Variants in TDRD1 observed in about 807,000 individuals in gnomAD.
TDRD1 encodes tudor domain containing 1, also known as tudor domain-containing protein 1.
In TDRD1, 37 loss-of-function variants were observed where a neutral mutation model predicts 140.6. That is an observed-to-expected ratio of 0.26 (90% confidence interval 0.20 to 0.35). TDRD1 has a LOEUF of 0.35. Among genes scored for constraint, TDRD1 ranks in the 10% least tolerant of loss-of-function variants. The pLI, the probability that TDRD1 is intolerant of heterozygous loss-of-function variation, is 1.00. For synonymous variants in TDRD1, 506 were observed against 475.7 expected (o/e 1.06, Z -0.83); for missense variants, 1,243 against 1,393.0 (o/e 0.89, Z 1.71).
At chr10:114,198,727 C>T (rs112016958) in intron 3 of TDRD1, among the ~76,000 whole-genome samples, 1,604 of 152,242 alleles carry the variant, frequency 0.011, 20 homozygotes, top group African/African-American at 0.037. Flanking sequence ...TATCATAGCT[C>T]GCTACAGCCT....
intron 2 of TDRD1, among the ~76,000 whole-genome samples, chr10:114,190,102 A>G (rs185548165): frequency 1.3e-5 from 2 of 152,088 alleles, no homozygotes; most frequent in Non-Finnish European, 2.9e-5. Context: ...TTTTTTTCAG[A>G]TACCAAAACC....
exon 19 of TDRD1, chr10:114,220,770 A>C (rs746824897): frequency 1.3e-5 from 21 of 1,611,646 alleles, no homozygotes; most frequent in Non-Finnish European, 1.8e-5. Context: ...AATCTGCTTC[A>C]CCACATAAAG....
At chr10:114,201,312 T>A in intron 4 of TDRD1, 98 bp from the exon 5 acceptor site, 1 of 950,610 alleles carries the variant, frequency 1.1e-6, no homozygotes. Flanking sequence ...AATAGCACAA[T>A]TCTCTTGCCA....
chr10:114,219,147 TATG>T (rs1377587590), intron 18 of TDRD1, among the ~76,000 whole-genome samples: 5 of 152,246 alleles, frequency 3.3e-5, no homozygotes, highest in African/African-American at 1.2e-4. Flanking sequence ...GTGTTATTGA[TATG>T]AAGAATTGTT....
chr10:114,182,640 A>G (rs2033168138), intron 1 of TDRD1, among the ~76,000 whole-genome samples: 1 of 152,068 alleles, frequency 6.6e-6, no homozygotes, highest in Non-Finnish European at 1.5e-5. Flanking sequence ...CCAGGTTGGC[A>G]TGAAAGCAGT....
intron 16 of TDRD1, 132 bp from the exon 17 acceptor site, chr10:114,217,413 G>C: frequency 1.9e-6 from 1 of 514,812 alleles, no homozygotes. Flanking sequence ...AAAAGCATTG[G>C]GTAGACTTAA....
At chr10:114,196,221 A>G (rs1352950635) in intron 3 of TDRD1, among the ~76,000 whole-genome samples, 3 of 152,242 alleles carry the variant, frequency 2.0e-5, no homozygotes, top group East Asian at 1.9e-4. Context: ...TGGGATTACA[A>G]AGTGAGCCAC....
Position 114,187,895 on chromosome 10 carries a change from A to G in TDRD1, c.64A>G (p.Met22Val), listed in dbSNP as rs1337119978. The change falls in exon 2 of 26, where the codon ATG becomes GTG. Residue 22 changes from methionine to valine, a missense_variant. Around this residue, in one of 5 missense-constraint regions of TDRD1, gnomAD observed 237 missense variants for 215.5 expected, o/e 1.10. Transcript: ENST00000251864. ...TAATTTGGAAGCACCTCCTTGTAAG[A>G]TGACAGAGCCATTTAATTTTGAGAA... 3.1e-6 allele frequency: 5 copies of G among 1,610,658 alleles called. No individual in the cohort carries two copies. The highest frequency in any genetic ancestry group is 1.3e-5 in the African/African-American group (1 of 74,528).
chr10:114,192,196 TTGTTTTTGG>T (rs1407128889), intron 3 of TDRD1, among the ~76,000 whole-genome samples: 1 of 151,864 alleles, frequency 6.6e-6, no homozygotes, highest in Non-Finnish European at 1.5e-5. Flanking sequence ...CTTTAATGGA[TTGTTTTTGG>T]TGCTTTTGGT....
chr10:114,226,281 A>G (rs1265711021), intron 22 of TDRD1, 65 bp downstream of exon 22: 12 of 1,190,034 alleles, frequency 1.0e-5, no homozygotes, highest in Admixed American at 2.5e-5. Context: ...TTTATGTTTC[A>G]TAGCTCTAAG....
chr10:114,219,736 A>G (rs564148690), intron 18 of TDRD1, among the ~76,000 whole-genome samples: 1 of 152,130 alleles, frequency 6.6e-6, no homozygotes, highest in Non-Finnish European at 1.5e-5. Flanking sequence ...GATTACAGGC[A>G]TGTGCCACCA....
intron 11 of TDRD1, among the ~76,000 whole-genome samples, chr10:114,207,921 T>C (rs1430136784): frequency 6.6e-6 from 1 of 151,626 alleles, no homozygotes. Flanking sequence ...TTATGTGGGA[T>C]AGAGAAATTA....
chr10:114,228,129 A>G (rs2036546649), intron 25 of TDRD1: 1 of 1,578,426 alleles, frequency 6.3e-7, no homozygotes, highest in Admixed American at 1.8e-5. Context: ...TTAAAAAGTT[A>G]AGTAAGTTAA....
At chr10:114,206,126 C>CA (rs765455209) in intron 10 of TDRD1, 118 bp from the exon 11 acceptor site, 3 of 747,490 alleles carry the variant, frequency 4.0e-6, no homozygotes, top group Non-Finnish European at 6.5e-6. Context: ...AAACATATAC[C>CA]AACCTATTAA....
At position 114,203,130 on chromosome 10, in the gene TDRD1, T is replaced by C. The variant is rs549636181; in HGVS notation, c.755T>C (p.Phe252Ser). Reference sequence around the variant, plus strand: ...GCCATTTGGGCTGAGAGAATAATGTTTTCTGATTTGAGAAGTCTACAACTC... The same window carrying C: ...GCCATTTGGGCTGAGAGAATAATGTCTTCTGATTTGAGAAGTCTACAACTC... The change falls in exon 7 of 26, where the codon TTT becomes TCT. Residue 252 changes from phenylalanine to serine, a missense_variant. Phe to Ser is a radical substitution (Grantham distance 155). This residue lies in a region of TDRD1 where 392 missense variants were observed against 394.1 expected (regional missense o/e 0.99). Transcript: ENST00000251864. 13 of 1,613,950 alleles carry C rather than the reference T, an allele frequency of 8.1e-6. No homozygotes were observed. The African/African-American group carries it at 1.6e-4, about 20-fold the overall frequency.
upstream of TDRD1, among the ~76,000 whole-genome samples, chr10:114,176,389 A>T (rs1331334860): frequency 6.6e-6 from 1 of 152,144 alleles, no homozygotes; most frequent in Non-Finnish European, 1.5e-5. The surrounding 1 kb of genome is among the most constrained non-coding windows in gnomAD (Gnocchi z 4.2). Flanking sequence ...ACTGAGTGCA[A>T]ATACAGGATG....
At chr10:114,220,037 C>T (rs539554442) in intron 18 of TDRD1, among the ~76,000 whole-genome samples, 1 of 152,352 alleles carries the variant, frequency 6.6e-6, no homozygotes, top group South Asian at 2.1e-4. Context: ...ATTAGAAACT[C>T]TGGGTAGGGC....
chr10:114,176,015 A>G (rs567332212), upstream of TDRD1, among the ~76,000 whole-genome samples: 39 of 152,326 alleles, frequency 2.6e-4, no homozygotes, highest in African/African-American at 9.1e-4. The surrounding 1 kb of genome is among the most constrained non-coding windows in gnomAD (Gnocchi z 4.2). Flanking sequence ...GCAGAAAGAA[A>G]GATAGATGAT....
Position 114,180,822 on chromosome 10 carries a change from G to A in TDRD1, c.-7+1406G>A, listed in dbSNP as rs1348790317. On this transcript the variant is annotated intron_variant, in intron 1 of 25. Coordinates refer to ENST00000251864, the Ensembl canonical transcript of TDRD1. ...CTTGCAGAATACATGGGGTTGCCAG[G>A]AAGACAAAAGCAAACATCAGAGAAG... Among the ~76,000 whole-genome samples the A allele has an allele frequency of 2.6e-5, 4 of 152,180 alleles. No homozygotes were observed. The East Asian group carries it at 7.7e-4, about 29-fold the overall frequency.
Sources: gnomAD v4.1 joint callset for allele counts (sites outside exome capture counted in the v4.1 genomes callset) on GRCh38, gnomAD v4.1.1 for gene constraint, gnomAD v4.1.1 regional missense constraint, Gnocchi (gnomAD v3.1) non-coding constraint, MANE v1.5 for transcripts, NCBI Gene and HGNC (gene_info 2026-07-23, HGNC 2026-07-21) for gene names.